Variants in FSTL4 observed in about 807,000 individuals in gnomAD.
FSTL4 encodes the protein follistatin like 4.
A neutral mutation model predicts 78.2 loss-of-function variants in FSTL4; 28 were observed. The observed-to-expected ratio is 0.36, with a 90% CI of 0.27 to 0.49. The LOEUF is 0.49. FSTL4 is among the 20% of genes least tolerant of loss of function. FSTL4 has a pLI of 0.98. For missense variants in FSTL4, 922 were observed against 1,084.9 expected, an observed-to-expected ratio of 0.85 and a Z score of 2.11; for synonymous variants, 422 against 440.5, an observed-to-expected ratio of 0.96 and a Z score of 0.53.
intron 3 of FSTL4, among the ~76,000 whole-genome samples, chr5:133,549,335 C>A (rs1759646887): frequency 6.6e-6 from 1 of 152,060 alleles, no homozygotes; most frequent in Non-Finnish European, 1.5e-5. Context: ...TTCAGTTATG[C>A]CCTGTTTGCT....
chr5:133,628,515 A>T, the FSTL4 span, among the ~76,000 whole-genome samples: 2 of 151,970 alleles, frequency 1.3e-5, no homozygotes, highest in African/African-American at 4.8e-5. Flanking sequence ...ATGCACCACC[A>T]CACTTGGCTA....
the FSTL4 span, among the ~76,000 whole-genome samples, chr5:133,749,942 C>T: frequency 6.6e-6 from 1 of 152,180 alleles, no homozygotes; most frequent in African/African-American, 2.4e-5. Context: ...TTTTTTAATC[C>T]ACTTCCTTCT....
intron 3 of FSTL4, among the ~76,000 whole-genome samples, chr5:133,446,111 G>C (rs1205588728): frequency 1.3e-5 from 2 of 152,146 alleles, no homozygotes; most frequent in African/African-American, 4.8e-5. Flanking sequence ...CCCCTATTTG[G>C]GGGCAGCCAG....
At chr5:133,415,487 C>T (rs1283320056) in intron 3 of FSTL4, among the ~76,000 whole-genome samples, 1 of 152,176 alleles carries the variant, frequency 6.6e-6, no homozygotes, top group African/African-American at 2.4e-5. Flanking sequence ...GATTTCAACT[C>T]TAAACACATA....
chr5:133,467,019 TG>T (rs1757724710), intron 3 of FSTL4, among the ~76,000 whole-genome samples: 1 of 151,806 alleles, frequency 6.6e-6, no homozygotes, highest in Non-Finnish European at 1.5e-5. Flanking sequence ...TGTGTGAGCA[TG>T]TGTGAGTGTA....
intron 3 of FSTL4, among the ~76,000 whole-genome samples, chr5:133,504,276 A>G (rs1758566676): frequency 6.6e-6 from 1 of 152,044 alleles, no homozygotes; most frequent in African/African-American, 2.4e-5. Context: ...GGAATCTAGG[A>G]AGTATCCCTG....
chr5:133,726,312 T>C, the FSTL4 span, among the ~76,000 whole-genome samples: 1 of 152,330 alleles, frequency 6.6e-6, no homozygotes, highest in Middle Eastern at 3.4e-3. Flanking sequence ...AACATTTATA[T>C]ACTTGGTATC....
the FSTL4 span, among the ~76,000 whole-genome samples, chr5:133,669,383 C>T: frequency 2.6e-5 from 4 of 152,244 alleles, no homozygotes; most frequent in African/African-American, 9.6e-5. Flanking sequence ...CTGAGCACTT[C>T]TTCACAGCCT....
chr5:133,765,091 G>A, the FSTL4 span, among the ~76,000 whole-genome samples: 10 of 152,210 alleles, frequency 6.6e-5, no homozygotes, highest in South Asian at 6.2e-4. Context: ...CAGGGAGCTT[G>A]CTACTTTATA....
chr5:133,423,534 G>A (rs781644783), intron 3 of FSTL4, among the ~76,000 whole-genome samples: 3 of 152,186 alleles, frequency 2.0e-5, no homozygotes, highest in African/African-American at 4.8e-5. Flanking sequence ...CTACAGGAGC[G>A]ACAGAGTGCA....
At chr5:133,403,893 C>T (rs1456480225) in intron 3 of FSTL4, among the ~76,000 whole-genome samples, 3 of 152,158 alleles carry the variant, frequency 2.0e-5, no homozygotes, top group African/African-American at 4.8e-5. Context: ...GTAGTGAGCA[C>T]CTCTGAGGCC....
chr5:133,768,459 C>T, the FSTL4 span, among the ~76,000 whole-genome samples: 1 of 152,292 alleles, frequency 6.6e-6, no homozygotes, highest in Middle Eastern at 3.4e-3. Context: ...TCCAAAGAGC[C>T]AGTGAAGTAG....
chr5:133,698,586 C>T, the FSTL4 span, among the ~76,000 whole-genome samples: 669 of 152,328 alleles, frequency 4.4e-3, 2 homozygotes, highest in South Asian at 8.1e-3. Context: ...TGCGATAATG[C>T]GTGACCATTA....
intron 14 of FSTL4, among the ~76,000 whole-genome samples, chr5:133,206,023 GTATT>G (rs1468141254): frequency 2.5e-4 from 38 of 152,260 alleles, no homozygotes; most frequent in Middle Eastern, 3.4e-3. Context: ...TTCTGCCTCT[GTATT>G]TATAAGTGAG....
intron 4 of FSTL4, among the ~76,000 whole-genome samples, chr5:133,344,238 C>T (rs1754649959): frequency 6.6e-6 from 1 of 152,166 alleles, no homozygotes; most frequent in Admixed American, 6.5e-5. Context: ...ACAAATTAAA[C>T]ACCTTTCTTG....
At chr5:133,646,537 G>T in the FSTL4 span, among the ~76,000 whole-genome samples, 4 of 152,142 alleles carry the variant, frequency 2.6e-5, no homozygotes, top group East Asian at 1.9e-4. Context: ...GTATGGAACT[G>T]GTTGGAGGGA....
chr5:133,517,869 C>T (rs914764491), intron 3 of FSTL4, among the ~76,000 whole-genome samples: 4 of 152,172 alleles, frequency 2.6e-5, no homozygotes, highest in Admixed American at 2.6e-4. Flanking sequence ...ATTATCTCTT[C>T]TTTGCGGGAG....
intron 3 of FSTL4, among the ~76,000 whole-genome samples, chr5:133,438,383 C>T (rs1170726278): frequency 1.3e-5 from 2 of 152,206 alleles, no homozygotes; most frequent in Non-Finnish European, 2.9e-5. Context: ...TATTTCAAAA[C>T]CCTTTCCAGG....
In FSTL4 at chr5:133,199,650, G is replaced by A; in HGVS notation, c.1974C>T (p.Ile658=). Residue 658 remains isoleucine, a synonymous_variant, in exon 16 of 16, where the codon ATC becomes ATT. Transcript: ENST00000265342. The surrounding 1 kb of genome is among the most constrained non-coding windows in gnomAD (Gnocchi z 4.4). Reference sequence around the variant, plus strand: ...AGGCGGGGCTGTCCTGTCGGCACTGGATGAAGAAGTAGCCGCCCAGGTGGG... The same window carrying A: ...AGGCGGGGCTGTCCTGTCGGCACTGAATGAAGAAGTAGCCGCCCAGGTGGG... ...AHTHLGGYFF[I]QCRQDSPASA... is the part of the protein sequence containing the mutation. 6.2e-7 allele frequency: 1 copy of A among 1,614,210 alleles called. No individual in the cohort carries two copies. The highest frequency in any genetic ancestry group is 1.3e-5 in the African/African-American group (1 of 75,058).
Sources: gnomAD v4.1 joint callset for allele counts (sites outside exome capture counted in the v4.1 genomes callset) on GRCh38, gnomAD v4.1.1 for gene constraint, Gnocchi (gnomAD v3.1) non-coding constraint, MANE v1.5 for transcripts, NCBI Gene and HGNC (gene_info 2026-07-23, HGNC 2026-07-21) for gene names.